Variants in COX7A2L observed in about 807,000 individuals in gnomAD.
COX7A2L encodes the protein cytochrome c oxidase subunit 7A2-like, mitochondrial.
Under a neutral mutation model 14.2 loss-of-function variants are expected in COX7A2L, and 18 were observed. That is an observed-to-expected ratio of 1.27 (90% confidence interval 0.88 to 1.88). COX7A2L has a LOEUF of 1.88. Ranked by LOEUF, COX7A2L falls within the 40% of genes most tolerant of loss-of-function variation. The pLI, the probability that COX7A2L is intolerant of heterozygous loss-of-function variation, is 0.00. For synonymous variants in COX7A2L, 65 were observed against 57.4 expected, an observed-to-expected ratio of 1.13 and a Z score of -0.60; for missense variants, 179 against 138.8, an observed-to-expected ratio of 1.29 and a Z score of -1.46.
chr2:42,348,024 T>C (rs916891489), downstream of COX7A2L, among the ~76,000 whole-genome samples: 2 of 152,182 alleles, frequency 1.3e-5, no homozygotes, highest in African/African-American at 4.8e-5. Context: ...AGCCATCTTG[T>C]CTGTCACAAG....
At chr2:42,364,250 C>CAAAAAAAAAAAAAAAAAAAAAAAAAAAAA (rs35151680), upstream of COX7A2L, among the ~76,000 whole-genome samples, 12 of 85,406 alleles carry the variant, frequency 1.4e-4, no homozygotes, top group Admixed American at 2.6e-4. Context: ...GACTCCGTCT[C>CAAAAAAAAAAAAAAAAAAAAAAAAAAAAA]AAAAAAAAAA....
intron 2 of COX7A2L, among the ~76,000 whole-genome samples, chr2:42,351,703 G>A (rs764803681): frequency 2.0e-5 from 3 of 152,220 alleles, no homozygotes; most frequent in Admixed American, 1.3e-4. Context: ...GCTGGGCGCG[G>A]TGGCTCACAC....
At chr2:42,354,888 A>G (rs2103897344) in intron 1 of COX7A2L, among the ~76,000 whole-genome samples, 1 of 152,380 alleles carries the variant, frequency 6.6e-6, no homozygotes, top group Non-Finnish European at 1.5e-5. Context: ...TGTCAGTATC[A>G]TGTCAAACAT....
At chr2:42,363,298 T>C (rs1213386389), upstream of COX7A2L, among the ~76,000 whole-genome samples, 2 of 152,154 alleles carry the variant, frequency 1.3e-5, no homozygotes, top group African/African-American at 2.4e-5. Context: ...CTAGCAAATA[T>C]TGAGTGAAAG....
downstream of COX7A2L, among the ~76,000 whole-genome samples, chr2:42,349,129 T>C (rs571547901): frequency 3.3e-5 from 5 of 152,202 alleles, no homozygotes; most frequent in African/African-American, 9.6e-5. Flanking sequence ...CCAAGAGAAA[T>C]GAAAACATAT....
At chr2:42,353,425 A>T (rs1670713513) in intron 1 of COX7A2L, 82 bp from the exon 2 acceptor site, 3 of 1,553,176 alleles carry the variant, frequency 1.9e-6, no homozygotes, top group Admixed American at 4.0e-5. Flanking sequence ...CCATTCAACT[A>T]CGAGAGAGCA....
upstream of COX7A2L, among the ~76,000 whole-genome samples, chr2:42,365,176 C>T (rs1446684909): frequency 6.6e-6 from 1 of 152,174 alleles, no homozygotes; most frequent in Non-Finnish European, 1.5e-5. Flanking sequence ...TTGTCTTATG[C>T]ATAGAATGAA....
downstream of COX7A2L, among the ~76,000 whole-genome samples, chr2:42,348,752 A>C (rs1670546016): frequency 6.6e-6 from 1 of 152,114 alleles, no homozygotes; most frequent in Admixed American, 6.5e-5. Context: ...CCCCATCTCT[A>C]CTAAAATTAC....
rs189458856 is a variant in COX7A2L at position 42,339,373 on chromosome 2, C to A, written c.193-5504G>T. 1.3e-5 allele frequency among the ~76,000 whole-genome samples: 2 copies of A among 152,214 alleles called. No individual in the cohort carries two copies. The highest frequency in any genetic ancestry group is 6.5e-5 in the Admixed American group (1 of 15,298). ...TAGGCTCCGTTCCACACCACTCACT[C>A]GAAGCATGAGAGACACACACTAGTG... On this transcript the variant is annotated intron_variant, in intron 2 of 2. Coordinates refer to the COX7A2L transcript ENST00000468711. The surrounding 1 kb of genome is among the most constrained non-coding windows in gnomAD (Gnocchi z 5.4).
chr2:42,365,165 G>A (rs543483063), upstream of COX7A2L, among the ~76,000 whole-genome samples: 3 of 152,314 alleles, frequency 2.0e-5, no homozygotes, highest in South Asian at 4.1e-4. Flanking sequence ...AGTACACACA[G>A]TTGTCTTATG....
At chr2:42,341,453 C>T (rs1670403175) in intron 2 of COX7A2L, among the ~76,000 whole-genome samples, 1 of 152,198 alleles carries the variant, frequency 6.6e-6, no homozygotes, top group African/African-American at 2.4e-5. Context: ...ACCTTAAACA[C>T]TCCTTAACTT....
upstream of COX7A2L, chr2:42,361,228 C>G (rs564587690): frequency 1.2e-5 from 18 of 1,461,076 alleles, 1 homozygote; most frequent in Admixed American, 2.9e-4. Flanking sequence ...ACCCCGCCTC[C>G]CCGGCTGTGG....
upstream of COX7A2L, chr2:42,361,951 C>T (rs1281946493): frequency 6.6e-6 from 1 of 152,192 alleles, no homozygotes; most frequent in Non-Finnish European, 1.5e-5. Context: ...AAGTAGCCTC[C>T]TGGGCTTTGT....
rs542611990 is a variant in COX7A2L, at chr2:42,360,354, G to A, written c.72+736C>T. ...ACAATAAATTAAATAACTTGGCCAA[G>A]GTCACACAATTAAAGCGGAAAACGC... is the stretch of plus-strand genomic sequence containing the variant. On this transcript the variant is annotated intron_variant, in intron 1 of 2. Coordinates refer to ENST00000234301, the MANE Select transcript of COX7A2L (RefSeq NM_004718.4). 4.6e-5 allele frequency among the ~76,000 whole-genome samples: 7 copies of A among 152,244 alleles called. No individual in the cohort carries two copies. In the East Asian group the frequency reaches 1.2e-3, roughly 25 times the overall value.
At chr2:42,361,432 T>C, upstream of COX7A2L, 1 of 383,630 alleles carries the variant, frequency 2.6e-6, no homozygotes, top group Non-Finnish European at 4.8e-6. Flanking sequence ...AAGTTCCCTC[T>C]TTCCCCCATT....
upstream of COX7A2L, among the ~76,000 whole-genome samples, chr2:42,364,108 G>A (rs1043637537): frequency 1.3e-5 from 2 of 152,026 alleles, no homozygotes; most frequent in African/African-American, 4.8e-5. Context: ...AAAATTAGCC[G>A]GGCGTGGTAG....
downstream of COX7A2L, among the ~76,000 whole-genome samples, chr2:42,346,570 G>C (rs1430264135): frequency 6.6e-6 from 1 of 152,092 alleles, no homozygotes; most frequent in African/African-American, 2.4e-5. Context: ...TTGAGGCCAG[G>C]AGTTCAAGAC....
chr2:42,337,841 C>T (rs948526586), intron 2 of COX7A2L, among the ~76,000 whole-genome samples: 1 of 152,324 alleles, frequency 6.6e-6, no homozygotes, highest in Admixed American at 6.5e-5. Context: ...CCTTTTGAAA[C>T]TCTCCCTGCA....
At chr2:42,363,234 G>A (rs770839690), upstream of COX7A2L, among the ~76,000 whole-genome samples, 8 of 152,108 alleles carry the variant, frequency 5.3e-5, no homozygotes, top group Non-Finnish European at 7.4e-5. Flanking sequence ...CAAAAAGTTC[G>A]ACTACCTCAA....
Sources: allele counts gnomAD v4.1 joint callset (sites outside exome capture counted in the v4.1 genomes callset), GRCh38; gene constraint gnomAD v4.1.1; non-coding constraint Gnocchi (gnomAD v3.1); transcripts MANE v1.5; gene names NCBI Gene and HGNC (gene_info 2026-07-23, HGNC 2026-07-21).